Variants in SPAST observed in about 807,000 individuals in gnomAD.
SPAST encodes the protein spastin.
Under a neutral mutation model 76.6 loss-of-function variants are expected in SPAST, and 30 were observed. The observed-to-expected ratio is 0.39, with a 90% CI of 0.29 to 0.53. The LOEUF is 0.53. Ranked by LOEUF, SPAST falls within the 20% of genes least tolerant of loss-of-function variation. The pLI is 0.68. For missense variants in SPAST, 717 were observed against 770.5 expected, an observed-to-expected ratio of 0.93 and a Z score of 0.82; for synonymous variants, 305 against 281.0, an observed-to-expected ratio of 1.09 and a Z score of -0.86.
At chr2:32,139,469 C>T (rs918111619) in intron 12 of SPAST, among the ~76,000 whole-genome samples, 4 of 152,098 alleles carry the variant, frequency 2.6e-5, no homozygotes, top group Admixed American at 6.5e-5. Flanking sequence ...CATTTCTATA[C>T]GCTAATAATG....
rs774581016 is a variant in SPAST at position 32,064,062 on chromosome 2, G to C, written c.231G>C (p.Trp77Cys). 9 of 1,612,980 alleles carry C rather than the reference G, an allele frequency of 5.6e-6. No individual in the cohort carries two copies. In the South Asian group the frequency reaches 9.9e-5, roughly 18 times the overall value. ...VAFHLGLLFVWLCQRFSRALM... is the reference protein window; with the variant it reads ...VAFHLGLLFVCLCQRFSRALM... ...TCCACCTGGGGCTCCTCTTCGTGTG[G>C]CTCTGCCAGCGCTTCTCCCGCGCCC... The change falls in exon 1 of 17, where the codon TGG (tryptophan) becomes TGC (cysteine). Residue 77 changes from tryptophan to cysteine, a missense_variant. This residue lies in a region of SPAST where 543 missense variants were observed against 445.2 expected (regional missense o/e 1.22). Transcript: ENST00000315285.
chr2:32,083,194 A>G (rs1348702514), intron 1 of SPAST, among the ~76,000 whole-genome samples: 1 of 149,114 alleles, frequency 6.7e-6, no homozygotes, highest in Non-Finnish European at 1.5e-5. Flanking sequence ...CTGGTCTTGA[A>G]CTCTTCCCTC....
At chr2:32,088,317 G>C (rs1305191493) in intron 2 of SPAST, among the ~76,000 whole-genome samples, 1 of 150,786 alleles carries the variant, frequency 6.6e-6, no homozygotes, top group African/African-American at 2.4e-5. Flanking sequence ...ACAGGCATGA[G>C]CCACTGTACC....
At chr2:32,073,674 A>C (rs1231034081) in intron 1 of SPAST, among the ~76,000 whole-genome samples, 1 of 152,146 alleles carries the variant, frequency 6.6e-6, no homozygotes. Flanking sequence ...AAGCCAGTGA[A>C]GCTGTTAATA....
At chr2:32,136,204 A>G (rs1261556848) in intron 9 of SPAST, among the ~76,000 whole-genome samples, 2 of 152,232 alleles carry the variant, frequency 1.3e-5, no homozygotes, top group Admixed American at 1.3e-4. Context: ...CTATAAATAT[A>G]CCGTGTAATC....
Position 32,069,649 on chromosome 2 carries a change from C to T in SPAST, c.415+5403C>T, listed in dbSNP as rs558031448. Among the ~76,000 whole-genome samples, 499 of 151,882 alleles carry T rather than the reference C, an allele frequency of 3.3e-3. 2 individuals are homozygous for T. Among genetic ancestry groups the T allele is most frequent in the African/African-American group, 0.012 (484 of 41,376 alleles). ...TCAGCTCGCTGCAAGCCCCGCCTCC[C>T]ACGTTCACGCCATTTTCCTGCCTCA... On this transcript the variant is annotated intron_variant, in intron 1 of 16. Coordinates refer to ENST00000315285, the MANE Select transcript of SPAST (RefSeq NM_014946.4).
intron 1 of SPAST, among the ~76,000 whole-genome samples, chr2:32,083,276 A>G (rs1192371565): frequency 1.3e-5 from 2 of 152,058 alleles, no homozygotes; most frequent in African/African-American, 2.4e-5. Context: ...AAATTTTATG[A>G]ATAAAGGTAC....
At position 32,154,570 on chromosome 2, in the gene SPAST, G is replaced by A; in HGVS notation, c.*74G>A. On this transcript the variant is annotated 3_prime_UTR_variant, in exon 17 of 17. Coordinates refer to ENST00000315285, the MANE Select transcript of SPAST (RefSeq NM_014946.4). Reference sequence around the variant, plus strand: ...ACAAGATCTTCAATGAACGTCATCGGCTACAGAAACAGCCTAAGTTTACAG... The same window carrying A: ...ACAAGATCTTCAATGAACGTCATCGACTACAGAAACAGCCTAAGTTTACAG... 3 of 1,490,512 alleles carry A rather than the reference G, an allele frequency of 2.0e-6. No individual in the cohort carries two copies. The highest frequency in any genetic ancestry group is 1.1e-5 in the South Asian group (1 of 87,848). 92.3% of individuals were successfully genotyped at this position (1,490,512 alleles called of 1,614,324 possible).
chr2:32,101,602 T>C (rs1239038882), intron 4 of SPAST, among the ~76,000 whole-genome samples: 1 of 152,222 alleles, frequency 6.6e-6, no homozygotes, highest in East Asian at 1.9e-4. Context: ...GTTTTTATAG[T>C]TTTAGAACTA....
At chr2:32,120,286 T>C (rs1326441525) in intron 7 of SPAST, among the ~76,000 whole-genome samples, 1 of 152,132 alleles carries the variant, frequency 6.6e-6, no homozygotes, top group East Asian at 1.9e-4. Context: ...TTGCATATCA[T>C]AGTAAATGAA....
intron 1 of SPAST, among the ~76,000 whole-genome samples, chr2:32,087,091 A>T (rs117146999): frequency 6.6e-6 from 1 of 152,216 alleles, no homozygotes; most frequent in Admixed American, 6.5e-5. Context: ...GTACCCAGCA[A>T]TGAACACATT....
At chr2:32,065,522 T>A (rs1676475806) in intron 1 of SPAST, among the ~76,000 whole-genome samples, 1 of 151,928 alleles carries the variant, frequency 6.6e-6, no homozygotes, top group African/African-American at 2.4e-5. Context: ...ATAAAGGAGG[T>A]TATTCCAAAC....
rs138146982 is a variant in SPAST, at chr2:32,147,245, T to C, written c.1715T>C (p.Met572Thr). ...RELKPEQVKN[M>T]SASEMRNIRL... ...CTAAAACCAGAACAGGTGAAGAATATGTCTGCCAGTGAGGTATAGTATTTT... is the reference window on the plus strand; with the variant it reads ...CTAAAACCAGAACAGGTGAAGAATACGTCTGCCAGTGAGGTATAGTATTTT... Residue 572 changes from methionine to threonine, a missense_variant, in exon 16 of 17, where the codon ATG (methionine) becomes ACG (threonine). By Grantham distance (81) the Met-to-Thr change is moderately conservative. Coordinates refer to ENST00000315285, the MANE Select transcript of SPAST (RefSeq NM_014946.4). The C allele has an allele frequency of 6.8e-6, 11 of 1,606,468 alleles. No individual in the cohort carries two copies. The highest frequency in any genetic ancestry group is 1.1e-5 in the South Asian group (1 of 90,912).
chr2:32,134,092 G>C (rs926556247), intron 9 of SPAST, among the ~76,000 whole-genome samples: 1 of 152,128 alleles, frequency 6.6e-6, no homozygotes, highest in Non-Finnish European at 1.5e-5. Flanking sequence ...CTGGAGTACA[G>C]TGGCGTGATC....
intron 3 of SPAST, among the ~76,000 whole-genome samples, chr2:32,097,818 C>T (rs548970657): frequency 6.4e-4 from 97 of 152,018 alleles, no homozygotes; most frequent in African/African-American, 2.0e-3. Context: ...CTCAGCTTCC[C>T]GAGTAGTTGG....
At chr2:32,077,829 T>G (rs1401979355) in intron 1 of SPAST, 3 of 152,232 alleles carry the variant, frequency 2.0e-5, no homozygotes, top group Non-Finnish European at 4.4e-5. Flanking sequence ...GTTTCTACAG[T>G]AACATACTAA....
At chr2:32,088,798 TTTA>T (rs1193714577) in intron 2 of SPAST, among the ~76,000 whole-genome samples, 1 of 152,224 alleles carries the variant, frequency 6.6e-6, no homozygotes, top group Non-Finnish European at 1.5e-5. Context: ...CTGTTTTAGT[TTTA>T]TTTAGATATG....
intron 15 of SPAST, among the ~76,000 whole-genome samples, chr2:32,145,882 T>A (rs754407336): frequency 6.6e-6 from 1 of 152,202 alleles, no homozygotes; most frequent in Admixed American, 6.5e-5. Context: ...AATAGCTCCA[T>A]CCCTTTCTCT....
In SPAST at chr2:32,155,782, G is replaced by A. The variant is rs573078781; in HGVS notation, c.*1286G>A. 3 of 152,450 alleles carry A rather than the reference G, an allele frequency of 2.0e-5. No homozygotes were observed. Among genetic ancestry groups the A allele is most frequent in the African/African-American group, 7.2e-5 (3 of 41,462 alleles). The allele number at this position is 152,450 out of a possible 1,614,324, so 9.4% of individuals were successfully genotyped here. A position where few individuals can be genotyped will look rare whatever the true frequency, so the allele number is the denominator to read the frequency against. On this transcript the variant is annotated 3_prime_UTR_variant, in exon 17 of 17. Transcript: ENST00000315285. ...AATAGATATTTGCCCTTAGTTTACT[G>A]GTTAAAAGTTTGTTTACAGAACTTT...
Sources: gnomAD v4.1 joint callset for allele counts (sites outside exome capture counted in the v4.1 genomes callset) on GRCh38, gnomAD v4.1.1 for gene constraint, gnomAD v4.1.1 regional missense constraint, MANE v1.5 for transcripts, NCBI Gene and HGNC (gene_info 2026-07-23, HGNC 2026-07-21) for gene names.